Variants in PRKAR1B observed in about 807,000 individuals in gnomAD.
The protein encoded by PRKAR1B is cAMP-dependent protein kinase type I-beta regulatory subunit.
PRKAR1B carries 22 observed loss-of-function variants against 46.5 expected under a neutral mutation model. The observed-to-expected ratio is 0.47, with a 90% CI of 0.34 to 0.68. The LOEUF is 0.68. Ranked by LOEUF, PRKAR1B falls within the 30% of genes least tolerant of loss-of-function variation. PRKAR1B has a pLI of 0.01. For synonymous variants in PRKAR1B, 259 were observed against 217.7 expected, an observed-to-expected ratio of 1.19 and a Z score of -1.67; for missense variants, 445 against 535.6, an observed-to-expected ratio of 0.83 and a Z score of 1.67.
chr7:622,965 C>T (rs1349737558), intron 4 of PRKAR1B, among the ~76,000 whole-genome samples: 2 of 152,130 alleles, frequency 1.3e-5, no homozygotes, highest in African/African-American at 2.4e-5. Context: ...GGATTTAAAC[C>T]TTAGGTCAAT....
intron 9 of PRKAR1B, 61 bp downstream of exon 9, chr7:579,195 G>T: frequency 3.1e-6 from 5 of 1,611,946 alleles, no homozygotes; most frequent in Non-Finnish European, 4.2e-6. Context: ...AAGAGGAGAA[G>T]GTAAGAAGTG....
intron 2 of PRKAR1B, among the ~76,000 whole-genome samples, chr7:709,387 T>A (rs1583449783): frequency 6.7e-6 from 1 of 148,800 alleles, no homozygotes; most frequent in South Asian, 2.1e-4. Context: ...TTTTTTTTTT[T>A]TTTGAGACGG....
intron 4 of PRKAR1B, among the ~76,000 whole-genome samples, chr7:637,966 C>A (rs1417548264): frequency 6.6e-6 from 1 of 152,248 alleles, no homozygotes; most frequent in African/African-American, 2.4e-5. Context: ...TCTGCAGCCT[C>A]TGAAGTGCAT....
chr7:553,202 C>T (rs184597080), intron 9 of PRKAR1B, among the ~76,000 whole-genome samples: 18 of 152,234 alleles, frequency 1.2e-4, no homozygotes, highest in African/African-American at 4.1e-4. Context: ...GACACTAGAG[C>T]CGCTGGGAAG....
intron 4 of PRKAR1B, among the ~76,000 whole-genome samples, chr7:650,375 C>T (rs1784839575): frequency 6.6e-6 from 1 of 152,094 alleles, no homozygotes; most frequent in African/African-American, 2.4e-5. Context: ...AACTCAGCCC[C>T]TCCCTCCCTC....
At chr7:713,705 C>A (rs903378012) in intron 1 of PRKAR1B, among the ~76,000 whole-genome samples, 1 of 152,198 alleles carries the variant, frequency 6.6e-6, no homozygotes, top group African/African-American at 2.4e-5. Flanking sequence ...CTTTCTTGTT[C>A]ATTGCTCAGC....
At chr7:697,900 AAGGGAAGGGAAGGGAGGGGAGGGGAGGGG>A (rs1779829088) in intron 2 of PRKAR1B, among the ~76,000 whole-genome samples, 2 of 113,414 alleles carry the variant, frequency 1.8e-5, no homozygotes, top group South Asian at 4.0e-4. Flanking sequence ...AAGGGAAGAG[AAGGGAAGGGAAGGGAGGGGAGGGGAGGGG>A]AGGGAAGGGA....
intron 7 of PRKAR1B, among the ~76,000 whole-genome samples, chr7:590,906 C>T (rs571456079): frequency 6.6e-6 from 1 of 152,274 alleles, no homozygotes; most frequent in South Asian, 2.1e-4. Context: ...GAAAGTGCCG[C>T]GTGTCTGCCC....
intron 9 of PRKAR1B, among the ~76,000 whole-genome samples, chr7:571,831 C>CTAAATTTGG (rs1779531619): frequency 6.6e-6 from 1 of 152,226 alleles, no homozygotes; most frequent in Non-Finnish European, 1.5e-5. Flanking sequence ...GCTCCACTTT[C>CTAAATTTGG]CCGTCCGCGG....
chr7:686,446 G>C (rs1779103811), intron 2 of PRKAR1B, among the ~76,000 whole-genome samples: 1 of 152,182 alleles, frequency 6.6e-6, no homozygotes, highest in Non-Finnish European at 1.5e-5. Flanking sequence ...AAGATGGAGA[G>C]AGAAGGTGGG....
intron 4 of PRKAR1B, among the ~76,000 whole-genome samples, chr7:645,609 C>T (rs1447191471): frequency 1.3e-5 from 2 of 152,292 alleles, no homozygotes; most frequent in Admixed American, 6.5e-5. Flanking sequence ...GTCCCACAGC[C>T]GTCACGGACA....
Position 685,300 on chromosome 7 carries a change from A to ACG in PRKAR1B, c.178-4575_178-4574insCG, listed in dbSNP as rs1279517274. Among the ~76,000 whole-genome samples the ACG allele has an allele frequency of 5.8e-3, 77 of 13,290 alleles. 2 individuals are homozygous for ACG. Among genetic ancestry groups the ACG allele is most frequent in the African/African-American group, 0.017 (67 of 3,922 alleles). The allele number at this position is 13,290 out of a possible 152,430, so 8.7% of individuals were successfully genotyped here. Reference sequence around the variant, plus strand: ...TATACGTATATATATGTATACATATATATATACGTATATATACGTATATAT... The same window carrying ACG: ...TATACGTATATATATGTATACATATACGTATATACGTATATATACGTATATAT... On this transcript the variant is annotated intron_variant, in intron 2 of 10. Coordinates refer to ENST00000537384, the MANE Select transcript of PRKAR1B (RefSeq NM_001164760.2).
chr7:556,948 C>T (rs556636529), intron 9 of PRKAR1B, among the ~76,000 whole-genome samples: 3 of 152,326 alleles, frequency 2.0e-5, no homozygotes, highest in African/African-American at 7.2e-5. Flanking sequence ...ACCAAGTTCA[C>T]GTGAACTAGA....
chr7:555,059 A>T (rs1778343943), intron 9 of PRKAR1B, among the ~76,000 whole-genome samples: 1 of 152,190 alleles, frequency 6.6e-6, no homozygotes, highest in African/African-American at 2.4e-5. Flanking sequence ...GACAGAACCT[A>T]CCTCTTTCTC....
chr7:704,739 A>T (rs941128774), intron 2 of PRKAR1B, among the ~76,000 whole-genome samples: 1 of 152,200 alleles, frequency 6.6e-6, no homozygotes, highest in Non-Finnish European at 1.5e-5. Context: ...ACTGCACTCC[A>T]GCCTGGTCAA....
chr7:623,906 G>A (rs574364479), intron 4 of PRKAR1B, among the ~76,000 whole-genome samples: 14 of 152,332 alleles, frequency 9.2e-5, no homozygotes, highest in African/African-American at 7.2e-5. Flanking sequence ...CCAAGTGTCC[G>A]CTCTACCCTG....
chr7:678,682 C>T (rs532729422), intron 3 of PRKAR1B, among the ~76,000 whole-genome samples: 5 of 152,404 alleles, frequency 3.3e-5, no homozygotes, highest in East Asian at 1.9e-4. Context: ...CTGCGGACCA[C>T]GCAGGCTTAG....
intron 2 of PRKAR1B, among the ~76,000 whole-genome samples, chr7:687,315 C>T (rs568938369): frequency 6.6e-6 from 1 of 152,074 alleles, no homozygotes; most frequent in Non-Finnish European, 1.5e-5. Context: ...AATAATTATG[C>T]TCAGTATGTT....
chr7:553,621 A>G (rs541544796), intron 9 of PRKAR1B, among the ~76,000 whole-genome samples: 1 of 152,218 alleles, frequency 6.6e-6, no homozygotes, highest in Non-Finnish European at 1.5e-5. Context: ...GCTCTTGGAG[A>G]ACAAACACTT....
Sources: gnomAD v4.1 joint callset for allele counts (sites outside exome capture counted in the v4.1 genomes callset) on GRCh38, gnomAD v4.1.1 for gene constraint, MANE v1.5 for transcripts, NCBI Gene and HGNC (gene_info 2026-07-23, HGNC 2026-07-21) for gene names.